UBE2L6: variants seen among roughly 807,000 people sequenced by gnomAD.
UBE2L6 encodes the protein ubiquitin/ISG15-conjugating enzyme E2 L6.
UBE2L6 carries 11 observed loss-of-function variants against 13.6 expected under a neutral mutation model. The ratio of observed to expected loss-of-function variants is 0.81; its 90% CI spans 0.51 to 1.34. UBE2L6 has a LOEUF of 1.34. Ranked by LOEUF, UBE2L6 falls within the 40% of genes most tolerant of loss-of-function variation. UBE2L6 has a pLI of 0.00. For synonymous variants in UBE2L6, 74 were observed against 83.2 expected, an observed-to-expected ratio of 0.89 and a Z score of 0.60; for missense variants, 197 against 199.5, an observed-to-expected ratio of 0.99 and a Z score of 0.07.
chr11:57,560,303 C>A, intron 2 of UBE2L6, 34 bp downstream of exon 2: 1 of 1,585,700 alleles, frequency 6.3e-7, no homozygotes, highest in Non-Finnish European at 8.7e-7. Context: ...TAATTTGGCC[C>A]CAATCCAAAG....
At chr11:57,566,943 G>GTC in intron 1 of UBE2L6, 1 of 75,880 alleles carries the variant, frequency 1.3e-5, no homozygotes, top group South Asian at 6.5e-5. Context: ...GTTCATCTCT[G>GTC]CCCGCCCCCC....
At chr11:57,557,670 A>T (rs1945008402) in intron 2 of UBE2L6, among the ~76,000 whole-genome samples, 1 of 152,160 alleles carries the variant, frequency 6.6e-6, no homozygotes, top group Non-Finnish European at 1.5e-5. Context: ...ATGGGATTAT[A>T]GACGTGAGCC....
At chr11:57,567,695 G>T (rs1220348172), upstream of UBE2L6, 6 of 1,503,632 alleles carry the variant, frequency 4.0e-6, no homozygotes, top group Non-Finnish European at 4.5e-6. Context: ...CCCGCCCCGG[G>T]GACCCCACCC....
intron 1 of UBE2L6, among the ~76,000 whole-genome samples, chr11:57,561,346 T>C (rs1182870642): frequency 2.0e-5 from 3 of 152,178 alleles, no homozygotes; most frequent in Non-Finnish European, 4.4e-5. Flanking sequence ...ATATCCCTTC[T>C]GAATTCTCCC....
Position 57,567,659 on chromosome 11 carries a change from C to A in UBE2L6, c.-48G>T. The A allele has an allele frequency of 6.3e-7, 1 of 1,581,792 alleles. No individual in the cohort carries two copies. The highest frequency in any genetic ancestry group is 8.6e-7 in the Non-Finnish European group (1 of 1,163,600). On this transcript the variant is annotated 5_prime_UTR_variant, in exon 1 of 4. Coordinates refer to ENST00000287156, the MANE Select transcript of UBE2L6 (RefSeq NM_004223.5). Reference sequence around the variant, plus strand: ...CCGTGGCCTCCAGCAGGACCGAGCTCCGACCCGCGACACAGCGCGCCCCGC... The same window carrying A: ...CCGTGGCCTCCAGCAGGACCGAGCTACGACCCGCGACACAGCGCGCCCCGC...
upstream of UBE2L6, chr11:57,567,787 G>T: frequency 3.0e-6 from 2 of 668,470 alleles, no homozygotes; most frequent in Non-Finnish European, 4.5e-6. Context: ...GGAGGCCGTC[G>T]AAGGACGACC....
At chr11:57,559,908 A>C (rs1945025534) in intron 2 of UBE2L6, among the ~76,000 whole-genome samples, 1 of 152,260 alleles carries the variant, frequency 6.6e-6, no homozygotes, top group African/African-American at 2.4e-5. Flanking sequence ...TTTCATATGT[A>C]ACAATTTTCT....
In UBE2L6 at chr11:57,561,226, A is replaced by C. The variant is rs149691340; in HGVS notation, c.28-794T>G. On this transcript the variant is annotated intron_variant, in intron 1 of 3. Coordinates refer to ENST00000287156, the MANE Select transcript of UBE2L6 (RefSeq NM_004223.5). Reference sequence around the variant, plus strand: ...AACTCTGCCAGATCAGGGCTGGAGAAGGGAAATGACTCCGGAAGACCATAG... The same window carrying C: ...AACTCTGCCAGATCAGGGCTGGAGACGGGAAATGACTCCGGAAGACCATAG... 3.9e-3 allele frequency among the ~76,000 whole-genome samples: 601 copies of C among 152,284 alleles called. 1 individual carries two copies. Among genetic ancestry groups the C allele is most frequent in the African/African-American group, 0.014 (585 of 41,558 alleles).
chr11:57,566,313 A>C (rs1247522733), intron 1 of UBE2L6, among the ~76,000 whole-genome samples: 1 of 152,162 alleles, frequency 6.6e-6, no homozygotes. Context: ...GACTCAGAGG[A>C]ACAGAAAATG....
chr11:57,563,991 C>T (rs1945067115), intron 1 of UBE2L6, among the ~76,000 whole-genome samples: 1 of 152,110 alleles, frequency 6.6e-6, no homozygotes, highest in African/African-American at 2.4e-5. Context: ...GAGTTACTGG[C>T]CTTAAATAGG....
chr11:57,560,717 T>C (rs1026031604), intron 1 of UBE2L6, among the ~76,000 whole-genome samples: 8 of 151,576 alleles, frequency 5.3e-5, no homozygotes, highest in Non-Finnish European at 1.2e-4. Flanking sequence ...GCCTCCTGGG[T>C]TCACGCCATT....
chr11:57,566,486 C>T (rs1025436626), intron 1 of UBE2L6, among the ~76,000 whole-genome samples: 10 of 152,212 alleles, frequency 6.6e-5, no homozygotes, highest in African/African-American at 2.4e-4. Flanking sequence ...TTACTTATCT[C>T]ACAGAACTGC....
intron 2 of UBE2L6, among the ~76,000 whole-genome samples, chr11:57,556,160 G>T (rs1444020596): frequency 6.6e-6 from 1 of 152,024 alleles, no homozygotes; most frequent in East Asian, 1.9e-4. Flanking sequence ...ACCCTGCCTG[G>T]GTGTGATTCA....
At chr11:57,567,742 G>A (rs1945105499), upstream of UBE2L6, 2 of 1,158,786 alleles carry the variant, frequency 1.7e-6, no homozygotes, top group Non-Finnish European at 2.4e-6. Context: ...AGCCGTCGCT[G>A]CGTGGGCCTC....
chr11:57,561,694 G>T (rs570036561), intron 1 of UBE2L6, among the ~76,000 whole-genome samples: 1 of 152,278 alleles, frequency 6.6e-6, no homozygotes, highest in South Asian at 2.1e-4. Context: ...GGTAAATCTC[G>T]GCTAAAGAGG....
intron 1 of UBE2L6, among the ~76,000 whole-genome samples, chr11:57,563,210 C>T (rs546589856): frequency 6.6e-6 from 1 of 151,938 alleles, no homozygotes; most frequent in South Asian, 2.1e-4. Context: ...GCAATTGAGG[C>T]CGGGTGCAGT....
In UBE2L6 at chr11:57,552,422, G is replaced by A. The variant is rs868642148; in HGVS notation, c.398C>T (p.Pro133Leu). Residue 133 changes from proline to leucine, a missense_variant, in exon 4 of 4, where the codon CCG becomes CTG. Transcript: ENST00000287156. ...MDLADLLTQNPELFRKNAEEF... is the reference protein window; with the variant it reads ...MDLADLLTQNLELFRKNAEEF... ...TTCGGCATTCTTTCTGAACAGCTCC[G>A]GATTCTGTGTCAGCAGGTCAGCGAG... 11 of 1,614,030 alleles carry A rather than the reference G, an allele frequency of 6.8e-6. No homozygotes were observed. Among genetic ancestry groups the A allele is most frequent in the South Asian group, 5.5e-5 (5 of 91,080 alleles).
intron 1 of UBE2L6, chr11:57,566,969 A>T: frequency 3.2e-6 from 1 of 313,186 alleles, no homozygotes; most frequent in Admixed American, 3.5e-5. Flanking sequence ...CTCCTAGAAC[A>T]GGGCCAGCAC....
chr11:57,557,036 T>C (rs1233135194), intron 2 of UBE2L6, among the ~76,000 whole-genome samples: 1 of 150,430 alleles, frequency 6.6e-6, no homozygotes, highest in Non-Finnish European at 1.5e-5. Flanking sequence ...CAGTGAGTCT[T>C]GCTCTGCACT....
Sources: allele counts gnomAD v4.1 joint callset (sites outside exome capture counted in the v4.1 genomes callset), GRCh38; gene constraint gnomAD v4.1.1; transcripts MANE v1.5; gene names NCBI Gene and HGNC (gene_info 2026-07-23, HGNC 2026-07-21).